Variants in CDH23 observed in about 807,000 individuals in gnomAD.
CDH23 encodes cadherin-23.
CDH23 carries 189 observed loss-of-function variants against 317.1 expected under a neutral mutation model. The observed-to-expected ratio is 0.60, with a 90% CI of 0.53 to 0.67. The LOEUF is 0.67. CDH23 is among the 30% of genes least tolerant of loss of function. CDH23 has a pLI of 0.00. For synonymous variants in CDH23, 1,839 were observed against 1,876.8 expected (o/e 0.98, Z 0.52); for missense variants, 4,401 against 4,592.4 (o/e 0.96, Z 1.20).
At chr10:71,530,672 G>A in intron 6 of CDH23, among the ~76,000 whole-genome samples, 1 of 152,188 alleles carries the variant, frequency 6.6e-6, no homozygotes. Flanking sequence ...ACCAGGGTTG[G>A]CATTCACAGC....
At chr10:71,644,440 C>T (rs1323750360) in intron 12 of CDH23, among the ~76,000 whole-genome samples, 1 of 152,254 alleles carries the variant, frequency 6.6e-6, no homozygotes, top group South Asian at 2.1e-4. Flanking sequence ...TCCACAAGTG[C>T]CTTTGAGCAT....
At chr10:71,640,208 T>C (rs946471366) in intron 11 of CDH23, among the ~76,000 whole-genome samples, 4 of 152,130 alleles carry the variant, frequency 2.6e-5, no homozygotes, top group African/African-American at 9.7e-5. Flanking sequence ...ATCTTTGAGC[T>C]CAAAATCACT....
At chr10:71,475,825 C>T (rs533964738) in intron 3 of CDH23, among the ~76,000 whole-genome samples, 135 of 152,352 alleles carry the variant, frequency 8.9e-4, no homozygotes, top group African/African-American at 3.1e-3. Flanking sequence ...CAGTTCCATG[C>T]CTGGGGTCAG....
At chr10:71,492,837 G>A (rs1564614076) in intron 3 of CDH23, among the ~76,000 whole-genome samples, 1 of 152,210 alleles carries the variant, frequency 6.6e-6, no homozygotes, top group African/African-American at 2.4e-5. Flanking sequence ...TCTGCCGTGG[G>A]GGGCTCGTGG....
At chr10:71,692,968 C>T (rs1339736104) in intron 20 of CDH23, among the ~76,000 whole-genome samples, 1 of 152,192 alleles carries the variant, frequency 6.6e-6, no homozygotes, top group African/African-American at 2.4e-5. Flanking sequence ...ACACTAATCT[C>T]CATTTTATAG....
chr10:71,593,748 T>A (rs1437794071), intron 9 of CDH23, among the ~76,000 whole-genome samples: 3 of 152,166 alleles, frequency 2.0e-5, no homozygotes, highest in Admixed American at 2.0e-4. Flanking sequence ...GTGACTAACC[T>A]CTTCACACCC....
chr10:71,424,142 G>A (rs565898872), intron 1 of CDH23, among the ~76,000 whole-genome samples: 3 of 152,248 alleles, frequency 2.0e-5, no homozygotes, highest in Non-Finnish European at 2.9e-5. Context: ...ATCCCGCCAC[G>A]TAGGTGCTGC....
At chr10:71,694,324 T>A (rs1452571420) in intron 21 of CDH23, 65 bp downstream of exon 21, 5 of 1,267,138 alleles carry the variant, frequency 3.9e-6, no homozygotes, top group Non-Finnish European at 5.6e-6. Context: ...TCCCTGCTTG[T>A]ACCTCTGGAC....
chr10:71,556,777 A>T (rs1485371519), intron 6 of CDH23, among the ~76,000 whole-genome samples: 1 of 152,176 alleles, frequency 6.6e-6, no homozygotes, highest in Non-Finnish European at 1.5e-5. Context: ...CCTGCTTCCC[A>T]CCCATAGAGA....
At chr10:71,801,150 CTT>C (rs386371783) in intron 53 of CDH23, among the ~76,000 whole-genome samples, 1,553 of 73,948 alleles carry the variant, frequency 0.021, 20 homozygotes, top group African/African-American at 0.082. Context: ...CTCTCTCTCT[CTT>C]TTTTTTTTTT....
chr10:71,716,425 T>C, intron 28 of CDH23: 3 of 1,138,780 alleles, frequency 2.6e-6, no homozygotes, highest in South Asian at 3.3e-5. Context: ...ACCTAGGGAA[T>C]GTGGATGGGG....
intron 14 of CDH23, chr10:71,647,976 C>T (rs1485738253): frequency 6.6e-6 from 1 of 152,200 alleles, no homozygotes; most frequent in Non-Finnish European, 1.5e-5. Flanking sequence ...TCCGTCCCAA[C>T]TCCAAGCAGA....
chr10:71,480,102 C>T (rs1851991413), intron 3 of CDH23, among the ~76,000 whole-genome samples: 1 of 152,210 alleles, frequency 6.6e-6, no homozygotes, highest in African/African-American at 2.4e-5. Context: ...ACCTCTGCTC[C>T]CCCACACCTT....
chr10:71,518,932 A>G (rs145982786), intron 6 of CDH23, among the ~76,000 whole-genome samples: 4 of 152,282 alleles, frequency 2.6e-5, no homozygotes, highest in African/African-American at 9.6e-5. Flanking sequence ...TTCCATGCCC[A>G]TTGGGGGCGT....
intron 6 of CDH23, among the ~76,000 whole-genome samples, chr10:71,560,182 C>T (rs1389082257): frequency 1.3e-5 from 2 of 152,192 alleles, no homozygotes; most frequent in African/African-American, 2.4e-5. Flanking sequence ...GTAGGAGAGG[C>T]GCCTGCTTTA....
intron 38 of CDH23, among the ~76,000 whole-genome samples, chr10:71,767,955 C>T (rs556853163): frequency 1.3e-5 from 2 of 152,278 alleles, no homozygotes; most frequent in Admixed American, 6.5e-5. Context: ...GGTCCCGGCC[C>T]GTGGATGCTT....
chr10:71,777,934 G>C (rs545308200), intron 39 of CDH23, 33 bp downstream of exon 39: 3 of 1,609,150 alleles, frequency 1.9e-6, no homozygotes, highest in Non-Finnish European at 2.6e-6. Context: ...AAGACAAGGG[G>C]CGAAACCTAT....
chr10:71,777,859 C>T lies in CDH23; in HGVS notation c.5025C>T (p.Val1675=), dbSNP rs775157930. ...GPNGTVTYAI[V]AGNIVNTFRI... is the part of the protein sequence containing the mutation. The stretch of plus-strand genomic sequence containing the variant: ...ACGGCACAGTCACCTATGCCATCGT[C>T]GCAGGCAACATCGTCAACACCTTCC... The change falls in exon 39 of 70, where the codon GTC becomes GTT. Residue 1675 remains valine, a synonymous_variant. Transcript: ENST00000224721. 163 of 1,613,802 alleles carry T rather than the reference C, an allele frequency of 1.0e-4. No individual in the cohort carries two copies. The highest frequency in any genetic ancestry group is 1.2e-4 in the Non-Finnish European group (144 of 1,179,890).
chr10:71,683,243 G>A (rs1230040881), intron 18 of CDH23, among the ~76,000 whole-genome samples: 1 of 152,194 alleles, frequency 6.6e-6, no homozygotes. Context: ...TGCATGCACC[G>A]CCTGCCCCCT....
Sources: allele counts gnomAD v4.1 joint callset (sites outside exome capture counted in the v4.1 genomes callset), GRCh38; gene constraint gnomAD v4.1.1; transcripts MANE v1.5; gene names NCBI Gene and HGNC (gene_info 2026-07-23, HGNC 2026-07-21).